The following ZNF107 variants were observed in gnomAD, a reference collection of about 807,000 sequenced individuals.
ZNF107 encodes the protein C2H2 type zinc-finger protein.
A neutral mutation model predicts 12.3 loss-of-function variants in ZNF107; 19 were observed. The observed-to-expected ratio is 1.55, with a 90% confidence interval of 1.08 to 2.27. The LOEUF (loss-of-function observed/expected upper bound fraction) is 2.27. Among genes scored for constraint, ZNF107 ranks in the 30% most tolerant of loss-of-function variants. The pLI is 0.00. For missense variants in ZNF107, 958 were observed against 979.9 expected (o/e 0.98, Z 0.30); for synonymous variants, 317 against 330.5 (o/e 0.96, Z 0.44).
intron 3 of ZNF107, among the ~76,000 whole-genome samples, chr7:64,700,852 A>G (rs568192998): frequency 2.2e-4 from 34 of 151,614 alleles, no homozygotes; most frequent in Non-Finnish European, 3.8e-4. Flanking sequence ...TTTTTTCTTT[A>G]TAAGTTATCT....
chr7:64,676,970 A>T (rs1434809763), intron 1 of ZNF107, among the ~76,000 whole-genome samples: 1 of 152,142 alleles, frequency 6.6e-6, no homozygotes, highest in Non-Finnish European at 1.5e-5. Flanking sequence ...GGCATGAATG[A>T]CTGTATTTTT....
intron 3 of ZNF107, among the ~76,000 whole-genome samples, chr7:64,698,829 A>AT (rs895542306): frequency 6.6e-6 from 1 of 152,106 alleles, no homozygotes; most frequent in Non-Finnish European, 1.5e-5. Context: ...ATTTCTAAGT[A>AT]TTTTTTTAAA....
In ZNF107 at chr7:64,706,793, A is replaced by G; in HGVS notation, c.696A>G (p.Glu232=). 2 of 1,613,574 alleles carry G rather than the reference A, an allele frequency of 1.2e-6. No individual in the cohort carries two copies. The highest frequency in any genetic ancestry group is 1.7e-6 in the Non-Finnish European group (2 of 1,179,806). Residue 232 remains glutamate, a synonymous_variant, in exon 4 of 4, where the codon GAA becomes GAG. Transcript: ENST00000620827. ...CTGGAGAAAAGCCCTACAAATGTGA[A>G]GAATGTGGCAAAGCCTTTAACCAGT... ...IHTGEKPYKC[E]ECGKAFNQSS...
intron 1 of ZNF107, among the ~76,000 whole-genome samples, chr7:64,685,065 G>A (rs1274610556): frequency 6.6e-6 from 1 of 152,116 alleles, no homozygotes; most frequent in Non-Finnish European, 1.5e-5. Context: ...TACATATGCA[G>A]TCATTGGCCA....
intron 1 of ZNF107, among the ~76,000 whole-genome samples, chr7:64,688,876 A>G (rs577670701): frequency 6.6e-6 from 1 of 152,200 alleles, no homozygotes; most frequent in Non-Finnish European, 1.5e-5. Context: ...CTATAGCTTA[A>G]CAATGTTTAT....
chr7:64,671,779 CT>C (rs1213610930), intron 1 of ZNF107, among the ~76,000 whole-genome samples: 1,553 of 116,510 alleles, frequency 0.013, 3 homozygotes, highest in African/African-American at 0.035. Flanking sequence ...CCTTTTTGTT[CT>C]TTTTTTTTTT....
chr7:64,707,437 A>G lies in ZNF107; in HGVS notation c.1340A>G (p.His447Arg), dbSNP rs775741660. 3.7e-6 allele frequency: 6 copies of G among 1,613,194 alleles called. No homozygotes were observed. Among genetic ancestry groups the G allele is most frequent in the African/African-American group, 1.3e-5 (1 of 74,878 alleles). ...AACCTTACTGAACATAAGAAAATTC[A>G]TACTGCAGAGAAATCCTATAAATGT... ...SSNLTEHKKI[H>R]TAEKSYKCEE... The change falls in exon 4 of 4, where the codon CAT becomes CGT. Residue 447 changes from histidine to arginine, a missense_variant. Coordinates refer to ENST00000620827, the MANE Select transcript of ZNF107 (RefSeq NM_001282359.2).
chr7:64,700,360 CTCTG>C (rs986505555), intron 3 of ZNF107, among the ~76,000 whole-genome samples: 2 of 152,164 alleles, frequency 1.3e-5, no homozygotes, highest in African/African-American at 4.8e-5. Context: ...CTCATACTTC[CTCTG>C]TCTATTACCA....
At chr7:64,699,180 TA>T (rs1371545570) in intron 3 of ZNF107, among the ~76,000 whole-genome samples, 1 of 152,086 alleles carries the variant, frequency 6.6e-6, no homozygotes, top group African/African-American at 2.4e-5. Context: ...AATATTTCTG[TA>T]AAAAATTGTG....
chr7:64,703,407 A>G (rs149447276), intron 3 of ZNF107, among the ~76,000 whole-genome samples: 1 of 152,152 alleles, frequency 6.6e-6, no homozygotes, highest in African/African-American at 2.4e-5. Flanking sequence ...TAATTTCAAC[A>G]TTTAGTTATA....
intron 1 of ZNF107, among the ~76,000 whole-genome samples, chr7:64,671,170 T>C (rs1372186855): frequency 2.0e-5 from 3 of 152,166 alleles, no homozygotes. Context: ...ACTGTCACAC[T>C]GCCCATTGTC....
intron 1 of ZNF107, among the ~76,000 whole-genome samples, chr7:64,683,684 C>T (rs1440367168): frequency 2.0e-5 from 3 of 152,180 alleles, no homozygotes; most frequent in African/African-American, 7.2e-5. Context: ...ATTTCTTTCT[C>T]ATCATGGAAG....
At chr7:64,667,570 T>A (rs1393127499) in intron 1 of ZNF107, among the ~76,000 whole-genome samples, 1 of 152,200 alleles carries the variant, frequency 6.6e-6, no homozygotes, top group Non-Finnish European at 1.5e-5. Context: ...GGTCCTGGGT[T>A]TCAGTACTGT....
At chr7:64,682,087 T>G (rs770291853) in intron 1 of ZNF107, among the ~76,000 whole-genome samples, 1 of 137,228 alleles carries the variant, frequency 7.3e-6, no homozygotes, top group Non-Finnish European at 1.6e-5. Flanking sequence ...CTTTTCAGCC[T>G]TCCTTTTCCT....
rs2128969418 is a variant in ZNF107, at chr7:64,708,073, A to G, written c.1976A>G (p.Asn659Ser). ...TTTGAAGAACATGGAAAAGCTTTTA[A>G]CCTATTCTCAAACATTACTAACCAT... ...YKFEEHGKAF[N>S]LFSNITNHKI... The change falls in exon 4 of 4, where the codon AAC becomes AGC. Residue 659 changes from asparagine to serine, a missense_variant. Physicochemically the swap from Asn to Ser is conservative, Grantham distance 46. Coordinates refer to ENST00000620827, the MANE Select transcript of ZNF107 (RefSeq NM_001282359.2). 1 of 1,613,598 alleles carries G rather than the reference A, an allele frequency of 6.2e-7. No homozygotes were observed. The highest frequency in any genetic ancestry group is 8.5e-7 in the Non-Finnish European group (1 of 1,179,702).
intron 1 of ZNF107, among the ~76,000 whole-genome samples, chr7:64,667,533 T>C (rs1789049775): frequency 6.6e-6 from 1 of 152,230 alleles, no homozygotes. Context: ...GGGTGATGTG[T>C]CCTCAGCCAC....
In ZNF107 at chr7:64,708,288, A is replaced by T. The variant is rs1422306822; in HGVS notation, c.2191A>T (p.Lys731Ter). The change falls in exon 4 of 4, where the codon AAA becomes TAA. Residue 731 changes from lysine to a stop codon, truncating the protein, a stop_gained. Coordinates refer to ENST00000620827, the MANE Select transcript of ZNF107 (RefSeq NM_001282359.2). LOFTEE classifies it low-confidence loss of function (END_TRUNC). ...ACATAAGATAATTCATACTGGAGAG[A>T]AACCTTACAAATGTAAAGAATGTGG... ...NRHKIIHTGE[K>*]PYKCKECGKA... 1 of 1,613,614 alleles carries T rather than the reference A, an allele frequency of 6.2e-7. No homozygotes were observed. Among genetic ancestry groups the T allele is most frequent in the Non-Finnish European group, 8.5e-7 (1 of 1,179,768 alleles).
Position 64,709,220 on chromosome 7 carries a change from G to A in ZNF107, c.*564G>A. 2.5e-6 allele frequency: 1 copy of A among 406,134 alleles called. No individual in the cohort carries two copies. Among genetic ancestry groups the A allele is most frequent in the Non-Finnish European group, 4.9e-6 (1 of 203,538 alleles). 25.2% of individuals were successfully genotyped at this position (406,134 alleles called of 1,614,324 possible). On this transcript the variant is annotated 3_prime_UTR_variant, in exon 4 of 4. Transcript: ENST00000620827. ...TGGAAAGAAACCCTACAAATGTGAA[G>A]TCTGTGGCAAAGCTTTTAACTGATT... is the stretch of plus-strand genomic sequence containing the variant.
chr7:64,666,404 A>G (rs28896860), intron 1 of ZNF107, 119 bp downstream of exon 1: 64,852 of 1,386,930 alleles, frequency 0.047, 2,787 homozygotes, highest in East Asian at 0.23. Context: ...TCCTTGGCGC[A>G]GCTCGGCCCT....
Sources: gnomAD v4.1 joint callset for allele counts (sites outside exome capture counted in the v4.1 genomes callset) on GRCh38, gnomAD v4.1.1 for gene constraint, MANE v1.5 for transcripts, NCBI Gene and HGNC (gene_info 2026-07-23, HGNC 2026-07-21) for gene names.